Variants in LRP1B observed in about 807,000 individuals in gnomAD.
LRP1B encodes low-density lipoprotein receptor-related protein 1B.
LRP1B carries 217 observed loss-of-function variants against 556.6 expected under a neutral mutation model. That is an observed-to-expected ratio of 0.39 (90% CI 0.35 to 0.44). The LOEUF (loss-of-function observed/expected upper bound fraction) is 0.44. Among genes scored for constraint, LRP1B ranks in the 20% least tolerant of loss-of-function variants. The pLI is 1.00. For missense variants in LRP1B, 5,053 were observed against 5,620.8 expected, an observed-to-expected ratio of 0.90 and a Z score of 3.23; for synonymous variants, 2,047 against 1,865.8, an observed-to-expected ratio of 1.10 and a Z score of -2.50.
chr2:141,764,272 C>T (rs1005409745), intron 2 of LRP1B, among the ~76,000 whole-genome samples: 7 of 152,086 alleles, frequency 4.6e-5, no homozygotes, highest in African/African-American at 1.7e-4. Flanking sequence ...GCTCCGCCTC[C>T]CGGGTTCACG....
intron 2 of LRP1B, among the ~76,000 whole-genome samples, chr2:141,510,728 A>T (rs1327574749): frequency 2.6e-5 from 4 of 152,060 alleles, no homozygotes; most frequent in Non-Finnish European, 4.4e-5. Context: ...TATCTAAAAT[A>T]ACATTTCCAT....
rs530140008 is a variant in LRP1B, at chr2:140,706,408, C to G, written c.6024-3855G>C. On this transcript the variant is annotated intron_variant, in intron 37 of 90. Transcript: ENST00000389484. The stretch of plus-strand genomic sequence containing the variant: ...CCAAATCAAATGCTATATTGTGTAA[C>G]TGAATTTTATCTGAATAATAAAATA... Among the ~76,000 whole-genome samples, 3 of 152,118 alleles carry G rather than the reference C, an allele frequency of 2.0e-5. No homozygotes were observed. In the East Asian group the frequency reaches 5.8e-4, roughly 29 times the overall value.
intron 35 of LRP1B, among the ~76,000 whole-genome samples, chr2:140,721,536 CTTTTTTTTTTTTTTT>C (rs10616730): frequency 4.9e-4 from 34 of 69,610 alleles, no homozygotes; most frequent in African/African-American, 1.5e-3. Flanking sequence ...CAAAGATGCA[CTTTTTTTTTTTTTTT>C]TTTTTTTTTT....
intron 3 of LRP1B, among the ~76,000 whole-genome samples, chr2:141,454,804 G>GA: frequency 6.6e-6 from 1 of 152,122 alleles, no homozygotes; most frequent in East Asian, 1.9e-4. Flanking sequence ...GAGAGGAATA[G>GA]TGCTACTCTG....
At chr2:141,594,973 C>A (rs995857218) in intron 2 of LRP1B, among the ~76,000 whole-genome samples, 4 of 151,896 alleles carry the variant, frequency 2.6e-5, no homozygotes, top group South Asian at 2.1e-4. Context: ...TAACAATTAC[C>A]TTTGCATTAA....
intron 54 of LRP1B, 97 bp downstream of exon 54, chr2:140,502,866 G>T (rs1349061915): frequency 2.5e-6 from 3 of 1,189,594 alleles, no homozygotes; most frequent in Admixed American, 2.0e-5. Flanking sequence ...TTAATAATTT[G>T]CATTTTCTCT....
At chr2:140,867,264 C>T (rs1399779441) in intron 27 of LRP1B, among the ~76,000 whole-genome samples, 1 of 152,040 alleles carries the variant, frequency 6.6e-6, no homozygotes, top group Non-Finnish European at 1.5e-5. Flanking sequence ...GCAAATGGTT[C>T]ACCCTTTCTC....
intron 1 of LRP1B, among the ~76,000 whole-genome samples, chr2:142,113,691 G>T (rs537010072): frequency 1.3e-5 from 2 of 152,146 alleles, no homozygotes; most frequent in South Asian, 2.1e-4. Flanking sequence ...GGCCTTTCAA[G>T]AAGATTCTGG....
At chr2:141,138,160 A>G (rs1701537565) in intron 7 of LRP1B, among the ~76,000 whole-genome samples, 1 of 152,014 alleles carries the variant, frequency 6.6e-6, no homozygotes, top group Admixed American at 6.6e-5. Context: ...GTAATTAATC[A>G]TATTTACAAA....
intron 2 of LRP1B, among the ~76,000 whole-genome samples, chr2:141,558,344 A>G (rs1289351741): frequency 1.3e-5 from 2 of 151,722 alleles, no homozygotes; most frequent in African/African-American, 4.8e-5. Flanking sequence ...CTTATGAGAA[A>G]AAAGAGGTAG....
At chr2:140,759,143 T>G (rs958462627) in intron 35 of LRP1B, among the ~76,000 whole-genome samples, 1 of 152,124 alleles carries the variant, frequency 6.6e-6, no homozygotes, top group African/African-American at 2.4e-5. Flanking sequence ...TTCACATAGG[T>G]TTTAATGACT....
At chr2:141,273,308 CA>C (rs990716503) in intron 3 of LRP1B, among the ~76,000 whole-genome samples, 90 of 139,520 alleles carry the variant, frequency 6.5e-4, no homozygotes, top group East Asian at 6.2e-4. Flanking sequence ...GACTCCATCT[CA>C]AAAAAAAAAA....
intron 20 of LRP1B, among the ~76,000 whole-genome samples, chr2:140,947,065 T>C (rs1049314201): frequency 4.6e-5 from 7 of 152,182 alleles, no homozygotes; most frequent in African/African-American, 1.7e-4. Context: ...TATTGGGTGC[T>C]ATGTTCACTA....
chr2:140,540,304 G>A (rs1237834569), intron 45 of LRP1B, among the ~76,000 whole-genome samples: 2 of 151,946 alleles, frequency 1.3e-5, no homozygotes, highest in African/African-American at 2.4e-5. Flanking sequence ...TTGCCTTAAC[G>A]TTAAAAGGAA....
intron 43 of LRP1B, among the ~76,000 whole-genome samples, chr2:140,572,514 G>A (rs886427028): frequency 2.6e-5 from 4 of 151,248 alleles, no homozygotes; most frequent in East Asian, 1.9e-4. Context: ...TGGAAAGGGG[G>A]ACTCATATAC....
At chr2:141,082,563 C>T (rs73964046) in intron 7 of LRP1B, among the ~76,000 whole-genome samples, 235 of 152,240 alleles carry the variant, frequency 1.5e-3, no homozygotes, top group African/African-American at 5.4e-3. Context: ...ATTATCTTAC[C>T]CATGTAACTC....
intron 86 of LRP1B, among the ~76,000 whole-genome samples, chr2:140,249,625 C>T (rs552699608): frequency 8.6e-5 from 13 of 151,870 alleles, no homozygotes; most frequent in Non-Finnish European, 1.5e-4. Flanking sequence ...TCTCCTTATA[C>T]TCCTTATAAA....
At chr2:142,007,024 T>C (rs960123003) in intron 1 of LRP1B, among the ~76,000 whole-genome samples, 1 of 152,128 alleles carries the variant, frequency 6.6e-6, no homozygotes. Flanking sequence ...ACAAACACAA[T>C]GACAAAAATC....
chr2:140,515,988 G>A (rs530619110), intron 50 of LRP1B, among the ~76,000 whole-genome samples: 1 of 151,884 alleles, frequency 6.6e-6, no homozygotes, highest in African/African-American at 2.4e-5. Context: ...TCTTTGATTT[G>A]CAAATCACAA....
Sources: allele counts gnomAD v4.1 joint callset (sites outside exome capture counted in the v4.1 genomes callset), GRCh38; gene constraint gnomAD v4.1.1; transcripts MANE v1.5; gene names NCBI Gene and HGNC (gene_info 2026-07-23, HGNC 2026-07-21).